Variants in TTLL4 observed in about 807,000 individuals in gnomAD.
TTLL4 encodes the protein tubulin tyrosine ligase like 4, also known as tubulin monoglutamylase TTLL4.
In TTLL4, 85 loss-of-function variants were observed where a neutral mutation model predicts 122.7. The observed-to-expected ratio is 0.69, with a 90% CI of 0.58 to 0.83. The LOEUF (loss-of-function observed/expected upper bound fraction) is 0.83. TTLL4 is among the 40% of genes least tolerant of loss of function. The pLI is 0.00. For synonymous variants in TTLL4, 553 were observed against 563.0 expected, an observed-to-expected ratio of 0.98 and a Z score of 0.25; for missense variants, 1,363 against 1,488.6, an observed-to-expected ratio of 0.92 and a Z score of 1.39.
chr2:218,712,141 A>C (rs2106378845), intron 1 of TTLL4, among the ~76,000 whole-genome samples: 1 of 152,296 alleles, frequency 6.6e-6, no homozygotes, highest in African/African-American at 2.4e-5. Flanking sequence ...AAGTCCTGAA[A>C]AGAGAACTGG....
At chr2:218,759,692 A>G (rs1438533945), downstream of TTLL4, among the ~76,000 whole-genome samples, 2 of 152,228 alleles carry the variant, frequency 1.3e-5, no homozygotes, top group African/African-American at 2.4e-5. Flanking sequence ...GTAGTATTGT[A>G]TGTAAGTAAA....
At chr2:218,751,887 C>CTTT (rs72027596) in intron 16 of TTLL4, 81 bp downstream of exon 16, 90,617 of 448,036 alleles carry the variant, frequency 0.2, 11,740 homozygotes, top group Admixed American at 0.25. Context: ...AACAGCTTTT[C>CTTT]TTTTTTTTTT....
Position 218,746,138 on chromosome 2 carries a change from T to C in TTLL4, c.1898-17T>C, listed in dbSNP as rs756601217. The C allele has an allele frequency of 7.4e-6, 12 of 1,614,018 alleles. 1 individual carries two copies. The South Asian group carries it at 1.3e-4, about 18-fold the overall frequency. ...CTGAGCTGTTAGCAAGGCTGATTCC[T>C]GATGTACCTCCCATAGGAAACGATG... On this transcript the variant is annotated splice_polypyrimidine_tract_variant and intron_variant, in intron 7 of 19. Coordinates refer to ENST00000392102, the MANE Select transcript of TTLL4 (RefSeq NM_014640.5).
At chr2:218,756,257 A>G (rs971144700), downstream of TTLL4, among the ~76,000 whole-genome samples, 18 of 152,256 alleles carry the variant, frequency 1.2e-4, no homozygotes, top group African/African-American at 3.9e-4. Context: ...TTGCCCCCTG[A>G]GAATCCCTGT....
chr2:218,748,580 G>A (rs1055262090), intron 12 of TTLL4: 30 of 450,480 alleles, frequency 6.7e-5, no homozygotes, highest in Non-Finnish European at 1.1e-4. Context: ...ACTTGAACCT[G>A]GGGGACGGAG....
chr2:218,737,693 C>A lies in TTLL4; in HGVS notation c.17C>A (p.Thr6Lys). The A allele has an allele frequency of 6.2e-7, 1 of 1,603,472 alleles. No individual in the cohort carries two copies. Among genetic ancestry groups the A allele is most frequent in the Non-Finnish European group, 8.5e-7 (1 of 1,174,242 alleles). The change falls in exon 3 of 20, where the codon ACA becomes AAA. Residue 6 changes from threonine (T) to lysine (K), a missense_variant. This residue lies in a region of TTLL4 where 760 missense variants were observed against 808.4 expected (regional missense o/e 0.94). Coordinates refer to ENST00000392102, the MANE Select transcript of TTLL4 (RefSeq NM_014640.5). ...GGGCCCCTCATGGCCTCAGCAGGAA[C>A]ACAGCACTATAGTATTGGCCTCCGC... MASAG[T>K]QHYSIGLRQK...
At chr2:218,756,081 C>T (rs895956509), downstream of TTLL4, among the ~76,000 whole-genome samples, 5 of 152,154 alleles carry the variant, frequency 3.3e-5, no homozygotes, top group Admixed American at 3.3e-4. Context: ...CCGCTGGCTG[C>T]AGTATTCTAG....
Position 218,739,210 on chromosome 2 carries a change from T to C in TTLL4, c.1487+47T>C, listed in dbSNP as rs748078211. 30 of 1,547,036 alleles carry C rather than the reference T, an allele frequency of 1.9e-5. No homozygotes were observed. The East Asian group carries it at 5.9e-4, about 30-fold the overall frequency. On this transcript the variant is annotated intron_variant, in intron 3 of 19. Transcript: ENST00000392102. ...TTCATTTAGAGCAGTAGAATGTATA[T>C]ACCATAATTTGGGGTGGCACCGACC...
chr2:218,749,114 A>G, intron 13 of TTLL4, 139 bp from the exon 14 acceptor site: 1 of 1,322,184 alleles, frequency 7.6e-7, no homozygotes, highest in Non-Finnish European at 1.0e-6. Flanking sequence ...CTGGTCCCAG[A>G]TCAGAGGTGT....
intron 5 of TTLL4, among the ~76,000 whole-genome samples, chr2:218,741,078 C>CAAA (rs940806795): frequency 2.6e-5 from 4 of 151,642 alleles, no homozygotes; most frequent in African/African-American, 7.3e-5. Flanking sequence ...GTCTCAAAAA[C>CAAA]AAAACAACAA....
intron 2 of TTLL4, among the ~76,000 whole-genome samples, chr2:218,732,570 C>T (rs1165734031): frequency 6.6e-6 from 1 of 152,172 alleles, no homozygotes; most frequent in Non-Finnish European, 1.5e-5. Context: ...GGGTGCCAGA[C>T]ATTATTTGCC....
chr2:218,747,446 C>T lies in TTLL4; in HGVS notation c.2249+74C>T. 2 of 1,582,120 alleles carry T rather than the reference C, an allele frequency of 1.3e-6. No homozygotes were observed. Among genetic ancestry groups the T allele is most frequent in the Non-Finnish European group, 8.6e-7 (1 of 1,160,288 alleles). On this transcript the variant is annotated intron_variant, in intron 10 of 19. Transcript: ENST00000392102. The surrounding 1 kb of genome is among the most constrained non-coding windows in gnomAD (Gnocchi z 4.7). Reference sequence around the variant, plus strand: ...CTCGAGGTTCCCTTCTTACAATGTTCTGCCCTTTGTTCTCCCAGCCAAAGA... The same window carrying T: ...CTCGAGGTTCCCTTCTTACAATGTTTTGCCCTTTGTTCTCCCAGCCAAAGA...
chr2:218,750,467 G>A (rs1169647605), intron 15 of TTLL4, among the ~76,000 whole-genome samples: 1 of 152,006 alleles, frequency 6.6e-6, no homozygotes, highest in Non-Finnish European at 1.5e-5. Context: ...CAGCTCTAGT[G>A]CACTATGATG....
rs1008579003 is a variant in TTLL4 at position 218,726,471 on chromosome 2, A to AT, written c.-177-790dup. 3.2e-3 allele frequency among the ~76,000 whole-genome samples: 484 copies of AT among 151,800 alleles called. 1 individual carries two copies. The highest frequency in any genetic ancestry group is 0.011 in the African/African-American group (462 of 41,364). On this transcript the variant is annotated intron_variant, in intron 1 of 19. Coordinates refer to ENST00000392102, the MANE Select transcript of TTLL4 (RefSeq NM_014640.5). The stretch of plus-strand genomic sequence containing the variant: ...AGTTTTGAAAAGTTTTCTGTTGTTT[A>AT]TTTTTTTTCCGAGACAGAGTCTCAG...
intron 5 of TTLL4, among the ~76,000 whole-genome samples, chr2:218,744,740 A>AT (rs1297801084): frequency 6.6e-6 from 1 of 151,100 alleles, no homozygotes; most frequent in Non-Finnish European, 1.5e-5. Flanking sequence ...TCTCTCATTT[A>AT]TTTCTTTGTC....
At chr2:218,715,724 C>A (rs6731740) in intron 1 of TTLL4, among the ~76,000 whole-genome samples, 1 of 151,962 alleles carries the variant, frequency 6.6e-6, no homozygotes, top group Non-Finnish European at 1.5e-5. Flanking sequence ...CCACCTTCCT[C>A]GTTCACGCCA....
At chr2:218,718,489 C>T (rs531410024) in intron 1 of TTLL4, among the ~76,000 whole-genome samples, 2 of 152,232 alleles carry the variant, frequency 1.3e-5, no homozygotes, top group African/African-American at 4.8e-5. Flanking sequence ...AGCGATTCTC[C>T]TGCCTCCACC....
At position 218,737,694 on chromosome 2, in the gene TTLL4, A is replaced by G. The variant is rs1224670733; in HGVS notation, c.18A>G (p.Thr6=). Reference sequence around the variant, plus strand: ...GGCCCCTCATGGCCTCAGCAGGAACACAGCACTATAGTATTGGCCTCCGCC... The same window carrying G: ...GGCCCCTCATGGCCTCAGCAGGAACGCAGCACTATAGTATTGGCCTCCGCC... MASAG[T]QHYSIGLRQK... is the part of the protein sequence containing the mutation. The change falls in exon 3 of 20, where the codon ACA becomes ACG. Residue 6 remains threonine (T), a synonymous_variant. Coordinates refer to ENST00000392102, the MANE Select transcript of TTLL4 (RefSeq NM_014640.5). The G allele has an allele frequency of 8.7e-6, 14 of 1,604,014 alleles. No homozygotes were observed. The highest frequency in any genetic ancestry group is 1.7e-5 in the Admixed American group (1 of 59,066).
chr2:218,735,966 C>A (rs1282796808), intron 2 of TTLL4, among the ~76,000 whole-genome samples: 1 of 124,796 alleles, frequency 8.0e-6, no homozygotes, highest in Non-Finnish European at 1.6e-5. Flanking sequence ...CCGTGCCCAG[C>A]CTTTTTTTTT....
Sources: allele counts gnomAD v4.1 joint callset (sites outside exome capture counted in the v4.1 genomes callset), GRCh38; gene constraint gnomAD v4.1.1; regional missense constraint gnomAD v4.1.1; non-coding constraint Gnocchi (gnomAD v3.1); transcripts MANE v1.5; gene names NCBI Gene and HGNC (gene_info 2026-07-23, HGNC 2026-07-21).